EIF2B4: variants seen among roughly 807,000 people sequenced by gnomAD.
EIF2B4 encodes the protein eukaryotic translation initiation factor 2B subunit delta.
EIF2B4 carries 34 observed loss-of-function variants against 66.7 expected under a neutral mutation model. The ratio of observed to expected loss-of-function variants is 0.51; its 90% CI spans 0.39 to 0.68. EIF2B4 has a LOEUF of 0.68. Ranked by LOEUF, EIF2B4 falls within the 30% of genes least tolerant of loss-of-function variation. The pLI is 0.00. For synonymous variants in EIF2B4, 278 were observed against 253.6 expected (o/e 1.10, Z -0.92); for missense variants, 618 against 657.9 (o/e 0.94, Z 0.66).
rs542713478 is a variant in EIF2B4, at chr2:27,368,311, CAAT to C, written c.590+58_590+60del. 3,166 of 1,489,528 alleles carry C rather than the reference CAAT, an allele frequency of 2.1e-3. 6 individuals are homozygous for C. Among genetic ancestry groups the C allele is most frequent in the Non-Finnish European group, 2.3e-3 (2,458 of 1,067,630 alleles). 92.3% of individuals were successfully genotyped at this position (1,489,528 alleles called of 1,614,324 possible). Reference sequence around the variant, plus strand: ...TCCATCTCAGATTACTAGAAACTTTCAATACTGACTTACTAAAACTCCTCAGAC... The same window carrying C: ...TCCATCTCAGATTACTAGAAACTTTCACTGACTTACTAAAACTCCTCAGAC... On this transcript the variant is annotated intron_variant, in intron 6 of 12. Transcript: ENST00000347454.
Position 27,367,517 on chromosome 2 carries a change from G to T in EIF2B4, c.825C>A (p.Asn275Lys), listed in dbSNP as rs149782530. 5 of 1,613,928 alleles carry T rather than the reference G, an allele frequency of 3.1e-6. No individual in the cohort carries two copies. Among genetic ancestry groups the T allele is most frequent in the Non-Finnish European group, 3.4e-6 (4 of 1,180,032 alleles). ...TTTCCTTGTTAAGGAACTTGATGGC[G>T]TTGTGCATGCTCGCTGACAGGGGAC... ...QCRPLSASMH[N>K]AIKFLNKEIT... Residue 275 changes from asparagine (N) to lysine (K), a missense_variant, in exon 9 of 13, where the codon AAC becomes AAA. Physicochemically the swap from Asn to Lys is moderately conservative, Grantham distance 94. Coordinates refer to ENST00000347454, the MANE Select transcript of EIF2B4 (RefSeq NM_001034116.2).
intron 11 of EIF2B4, chr2:27,365,719 C>T (rs558451249): frequency 7.2e-5 from 11 of 152,210 alleles, no homozygotes; most frequent in Admixed American, 6.5e-4. Flanking sequence ...AAACACCTGA[C>T]CACTGACCCA....
Position 27,366,608 on chromosome 2 carries a change from G to C in EIF2B4, c.1191+151C>G, listed in dbSNP as rs1261798333. 3.4e-6 allele frequency: 3 copies of C among 878,858 alleles called. No homozygotes were observed. The Admixed American group carries it at 5.9e-5, about 17-fold the overall frequency. The allele number at this position is 878,858 out of a possible 1,614,324, so 54.4% of individuals were successfully genotyped here. A position where few individuals can be genotyped will look rare whatever the true frequency, so the allele number is the denominator to read the frequency against. On this transcript the variant is annotated intron_variant, in intron 11 of 12. Coordinates refer to ENST00000347454, the MANE Select transcript of EIF2B4 (RefSeq NM_001034116.2). ...GTGGGAAGATCACCTGAGCCCAGGA[G>C]GTCAAGACTGCAGTGAGCTGTGATC...
chr2:27,367,896 C>T, intron 7 of EIF2B4, 74 bp from the exon 8 acceptor site: 1 of 1,535,820 alleles, frequency 6.5e-7, no homozygotes, highest in South Asian at 1.1e-5. Context: ...GGGTAAGCTT[C>T]ACTGAGGAAA....
chr2:27,367,294 G>A lies in EIF2B4; in HGVS notation c.886-93C>T, dbSNP rs777494219. 19 of 1,592,462 alleles carry A rather than the reference G, an allele frequency of 1.2e-5. No individual in the cohort carries two copies. The African/African-American group carries it at 1.2e-4, about 10-fold the overall frequency. On this transcript the variant is annotated intron_variant, in intron 9 of 12. Coordinates refer to ENST00000347454, the MANE Select transcript of EIF2B4 (RefSeq NM_001034116.2). ...TGCTTGAATATGTGTATGATGACAA[G>A]CCTATAGAGGGCTCAGAGATGGCAC...
At chr2:27,370,183 G>C (rs1475384064) in intron 1 of EIF2B4, 101 bp downstream of exon 1, 18 of 1,543,786 alleles carry the variant, frequency 1.2e-5, no homozygotes, top group Non-Finnish European at 1.6e-5. Context: ...GCGTGGCGCT[G>C]GAACGGAGCG....
chr2:27,364,435 G>T lies in EIF2B4; in HGVS notation c.1537C>A (p.Pro513Thr). Reference sequence around the variant, plus strand: ...CTGCTCTTGACTCGTAGAACAACAGGTACAGAACTGCAAGGGATCATCCCC... The same window carrying T: ...CTGCTCTTGACTCGTAGAACAACAGTTACAGAACTGCAAGGGATCATCCCC... Reference protein sequence around the residue: ...ELGMIPCSSVPVVLRVKSSDQ With the variant: ...ELGMIPCSSVTVVLRVKSSDQ The change falls in exon 13 of 13, where the codon CCT becomes ACT. Residue 513 changes from proline to threonine, a missense_variant. By Grantham distance (38) the Pro-to-Thr change is conservative. This residue lies in a region of EIF2B4 where 13 missense variants were observed against 33.0 expected (regional missense o/e 0.39). Coordinates refer to ENST00000347454, the MANE Select transcript of EIF2B4 (RefSeq NM_001034116.2). 6.2e-7 allele frequency: 1 copy of T among 1,614,106 alleles called. No homozygotes were observed. The highest frequency in any genetic ancestry group is 8.5e-7 in the Non-Finnish European group (1 of 1,180,022).
intron 8 of EIF2B4, 83 bp from the exon 9 acceptor site, chr2:27,367,642 A>T: frequency 6.3e-7 from 1 of 1,597,838 alleles, no homozygotes; most frequent in South Asian, 1.1e-5. Flanking sequence ...AAGTCTTTAA[A>T]AAGAAAATAG....
intron 4 of EIF2B4, 107 bp downstream of exon 4, chr2:27,368,899 G>A (rs1682084891): frequency 2.0e-6 from 3 of 1,499,694 alleles, no homozygotes; most frequent in Non-Finnish European, 2.8e-6. Context: ...GAACAATTCA[G>A]AACTCTGGGT....
intron 2 of EIF2B4, 68 bp from the exon 3 acceptor site, chr2:27,369,617 C>G: frequency 1.2e-6 from 2 of 1,609,958 alleles, no homozygotes; most frequent in Non-Finnish European, 1.7e-6. Flanking sequence ...CTATTGGATG[C>G]TTACAAGATT....
rs377146994 is a variant in EIF2B4 at position 27,364,807 on chromosome 2, C to T, written c.1283G>A (p.Arg428Gln). 8 of 1,614,050 alleles carry T rather than the reference C, an allele frequency of 5.0e-6. No individual in the cohort carries two copies. Among genetic ancestry groups the T allele is most frequent in the East Asian group, 4.5e-5 (2 of 44,896 alleles). The change falls in exon 12 of 13, where the codon CGA becomes CAA. Residue 428 changes from arginine (R) to glutamine (Q), a missense_variant. This residue lies in a region of EIF2B4 where 36 missense variants were observed against 65.5 expected (regional missense o/e 0.55). Transcript: ENST00000347454. Reference protein sequence around the residue: ...VGTAQLALVARAHNVPVLVCC... With the variant: ...VGTAQLALVAQAHNVPVLVCC... Reference sequence around the variant, plus strand: ...AACCAGCACTGGTACATTATGGGCTCGAGCCACCAGGGCTAACTGTGCTGT... The same window carrying T: ...AACCAGCACTGGTACATTATGGGCTTGAGCCACCAGGGCTAACTGTGCTGT...
chr2:27,368,127 A>G lies in EIF2B4; in HGVS notation c.603T>C (p.Ser201=). The G allele has an allele frequency of 6.3e-7, 1 of 1,591,678 alleles. No homozygotes were observed. Among genetic ancestry groups the G allele is most frequent in the Non-Finnish European group, 8.6e-7 (1 of 1,168,608 alleles). Residue 201 remains serine (S), a synonymous_variant, in exon 7 of 13, where the codon TCT becomes TCC. Transcript: ENST00000347454. ...SLTQFMSIPS[S]VIHPAMVRLG... ...GTCGCACCATGGCTGGGTGGATCAC[A>G]GAGGATGGGATGCTGATGGGATGGC...
chr2:27,366,778 G>A lies in EIF2B4; in HGVS notation c.1172C>T (p.Ala391Val), dbSNP rs113994036. Residue 391 changes from alanine (A) to valine (V), a missense_variant, in exon 11 of 13, where the codon GCC becomes GTC. By Grantham distance (64) the Ala-to-Val change is moderately conservative. Coordinates refer to ENST00000347454, the MANE Select transcript of EIF2B4 (RefSeq NM_001034116.2). ...ACTTACCTCTGGGAGCACATAGGAG[G>A]CTGCAGGAATCAGCAGGTAGGAGGC... ...VPASYLLIPA[A>V]SYVLPEVSKV... 13 of 1,614,114 alleles carry A rather than the reference G, an allele frequency of 8.1e-6. No homozygotes were observed. The East Asian group carries it at 2.7e-4, about 33-fold the overall frequency.
chr2:27,366,473 CA>C, intron 11 of EIF2B4: 1 of 442,976 alleles, frequency 2.3e-6, no homozygotes, highest in Non-Finnish European at 4.2e-6. Flanking sequence ...TGCTTGAGCC[CA>C]GGAGTTCCAG....
intron 9 of EIF2B4, 99 bp downstream of exon 9, chr2:27,367,358 G>A (rs947042721): frequency 6.3e-7 from 1 of 1,583,110 alleles, no homozygotes; most frequent in Admixed American, 1.7e-5. Context: ...CCCTTGACTA[G>A]GGCAAAAAAA....
At chr2:27,368,807 G>T in intron 4 of EIF2B4, 74 bp from the exon 5 acceptor site, 2 of 1,535,206 alleles carry the variant, frequency 1.3e-6, no homozygotes, top group Non-Finnish European at 1.8e-6. Context: ...GGTATAAGGG[G>T]CATCAAGAAA....
chr2:27,367,044 A>T, intron 10 of EIF2B4, 30 bp downstream of exon 10: 1 of 1,614,108 alleles, frequency 6.2e-7, no homozygotes, highest in Non-Finnish European at 8.5e-7. Context: ...CCAACTCCCA[A>T]TCTGCTCAGT....
At chr2:27,368,160 C>A in intron 6 of EIF2B4, 21 bp from the exon 7 acceptor site, 1 of 1,561,030 alleles carries the variant, frequency 6.4e-7, no homozygotes, top group South Asian at 1.2e-5. Flanking sequence ...GGCGGTGTCA[C>A]ATACTTTGAA....
At position 27,366,930 on chromosome 2, in the gene EIF2B4, A is replaced by G; in HGVS notation, c.1020T>C (p.Ser340=). The change falls in exon 11 of 13, where the codon TCT becomes TCC. Residue 340 remains serine (S), a synonymous_variant. Transcript: ENST00000347454. ...GDVILVYGCS[S]LVSRILQEAW... Reference sequence around the variant, plus strand: ...CCTCCTGAAGAATTCGTGATACCAGAGATGAGCTAGAGTGAATGAAGAGGA... The same window carrying G: ...CCTCCTGAAGAATTCGTGATACCAGGGATGAGCTAGAGTGAATGAAGAGGA... 1 of 1,614,228 alleles carries G rather than the reference A, an allele frequency of 6.2e-7. No homozygotes were observed. Among genetic ancestry groups the G allele is most frequent in the African/African-American group, 1.3e-5 (1 of 75,058 alleles).
Sources: allele counts gnomAD v4.1 joint callset, GRCh38; gene constraint gnomAD v4.1.1; regional missense constraint gnomAD v4.1.1; transcripts MANE v1.5; gene names NCBI Gene and HGNC (gene_info 2026-07-23, HGNC 2026-07-21).